ABCB1: variants seen among roughly 807,000 people sequenced by gnomAD.
The protein encoded by ABCB1 is ATP binding cassette subfamily B member 1, also known as ATP-dependent translocase ABCB1.
A neutral mutation model predicts 142.0 loss-of-function variants in ABCB1; 69 were observed. That is an observed-to-expected ratio of 0.49 (90% CI 0.40 to 0.59). The LOEUF is 0.59. Ranked by LOEUF, ABCB1 falls within the 20% of genes least tolerant of loss-of-function variation. ABCB1 has a pLI of 0.00. For missense variants in ABCB1, 1,326 were observed against 1,554.7 expected, an observed-to-expected ratio of 0.85 and a Z score of 2.47; for synonymous variants, 532 against 539.2, an observed-to-expected ratio of 0.99 and a Z score of 0.18.
chr7:87,662,906 T>G (rs1824860202), intron 1 of ABCB1, among the ~76,000 whole-genome samples: 1 of 152,166 alleles, frequency 6.6e-6, no homozygotes, highest in South Asian at 2.1e-4. Context: ...AGTTTTTTTG[T>G]GTCCTCTTAA....
At chr7:87,549,322 G>A in intron 14 of ABCB1, 26 bp downstream of exon 14, 1 of 1,614,006 alleles carries the variant, frequency 6.2e-7, no homozygotes, top group Non-Finnish European at 8.5e-7. Flanking sequence ...TATAAATCAG[G>A]TTGGTTTGAA....
intron 3 of ABCB1, among the ~76,000 whole-genome samples, chr7:87,594,117 C>T (rs1243351263): frequency 6.6e-6 from 1 of 152,078 alleles, no homozygotes; most frequent in Non-Finnish European, 1.5e-5. Flanking sequence ...TCAATGTTTT[C>T]TATGTTGACT....
chr7:87,591,428 C>A (rs891761237), intron 3 of ABCB1, among the ~76,000 whole-genome samples: 2 of 152,104 alleles, frequency 1.3e-5, no homozygotes, highest in Non-Finnish European at 2.9e-5. Context: ...CAGGGCAGAG[C>A]TGGAAGGAAT....
At chr7:87,671,427 T>C (rs773663154) in intron 1 of ABCB1, among the ~76,000 whole-genome samples, 1 of 152,284 alleles carries the variant, frequency 6.6e-6, no homozygotes, top group East Asian at 1.9e-4. Flanking sequence ...AAGACCTGTC[T>C]GGTGAGGAGA....
At chr7:87,520,956 T>C in intron 21 of ABCB1, 80 bp from the exon 22 acceptor site, 1 of 1,039,532 alleles carries the variant, frequency 9.6e-7, no homozygotes. Flanking sequence ...AACAGACTAA[T>C]GAAAATAATT....
chr7:87,611,278 T>C (rs996646244), intron 1 of ABCB1, among the ~76,000 whole-genome samples: 1 of 152,182 alleles, frequency 6.6e-6, no homozygotes, highest in African/African-American at 2.4e-5. Flanking sequence ...GGAGCTTTTC[T>C]AGGCTTTATA....
intron 1 of ABCB1, among the ~76,000 whole-genome samples, chr7:87,658,071 A>C (rs549774400): frequency 6.6e-6 from 1 of 152,224 alleles, no homozygotes; most frequent in African/African-American, 2.4e-5. Flanking sequence ...TAGTCAATAG[A>C]TGTCAACACT....
chr7:87,690,492 G>A (rs1036366147), intron 1 of ABCB1, among the ~76,000 whole-genome samples: 3 of 152,024 alleles, frequency 2.0e-5, no homozygotes, highest in Non-Finnish European at 4.4e-5. Flanking sequence ...CCACCTACCT[G>A]TAAATGGCAT....
At chr7:87,654,412 C>T (rs1466709384) in intron 1 of ABCB1, among the ~76,000 whole-genome samples, 1 of 151,962 alleles carries the variant, frequency 6.6e-6, no homozygotes, top group Non-Finnish European at 1.5e-5. Flanking sequence ...GAATAGAGAA[C>T]CCACAAATAA....
At chr7:87,639,549 C>T (rs918432592) in intron 1 of ABCB1, among the ~76,000 whole-genome samples, 15 of 152,192 alleles carry the variant, frequency 9.9e-5, no homozygotes, top group African/African-American at 3.6e-4. Flanking sequence ...GTGATTTTTA[C>T]TATAAATATT....
intron 1 of ABCB1, among the ~76,000 whole-genome samples, chr7:87,654,922 A>T (rs1823936937): frequency 6.6e-6 from 1 of 152,144 alleles, no homozygotes; most frequent in Non-Finnish European, 1.5e-5. Context: ...CAAATGGCCA[A>T]CAGGTATATA....
chr7:87,595,077 C>G (rs541014051), intron 3 of ABCB1, among the ~76,000 whole-genome samples: 6 of 151,984 alleles, frequency 3.9e-5, no homozygotes. Flanking sequence ...TGCAGTGAGC[C>G]AAGATCACAG....
At chr7:87,597,884 T>C (rs1456373478) in intron 2 of ABCB1, among the ~76,000 whole-genome samples, 1 of 152,166 alleles carries the variant, frequency 6.6e-6, no homozygotes, top group African/African-American at 2.4e-5. Context: ...TTTTAGATTG[T>C]TTTTGTTTTG....
chr7:87,527,674 G>C (rs966643278), intron 21 of ABCB1, among the ~76,000 whole-genome samples: 1 of 152,158 alleles, frequency 6.6e-6, no homozygotes, highest in Non-Finnish European at 1.5e-5. Context: ...AGAATCATGA[G>C]AGATCACTTT....
chr7:87,678,388 A>G (rs1424380559), intron 1 of ABCB1, among the ~76,000 whole-genome samples: 1 of 152,228 alleles, frequency 6.6e-6, no homozygotes, highest in Non-Finnish European at 1.5e-5. Flanking sequence ...ATTTAGTTGA[A>G]ATGCTAAAAT....
chr7:87,547,455 C>T (rs1238959144), intron 14 of ABCB1, among the ~76,000 whole-genome samples: 2 of 152,106 alleles, frequency 1.3e-5, no homozygotes, highest in African/African-American at 4.8e-5. Context: ...AACCAGTAAG[C>T]AGTGGCTCAC....
chr7:87,550,071 G>A lies in ABCB1; in HGVS notation c.1351-17C>T, dbSNP rs199810100. On this transcript the variant is annotated splice_polypyrimidine_tract_variant and intron_variant, in intron 12 of 27. Transcript: ENST00000622132. ...AACACTGACCTGGAATAAAAAGTAA[G>A]TGTGACTTTCATACATTTGTAATTG... is the stretch of plus-strand genomic sequence containing the variant. 101 of 1,613,960 alleles carry A rather than the reference G, an allele frequency of 6.3e-5. No individual in the cohort carries two copies. The highest frequency in any genetic ancestry group is 8.0e-5 in the Non-Finnish European group (94 of 1,180,014).
chr7:87,512,578 G>T (rs1347879003), intron 25 of ABCB1, among the ~76,000 whole-genome samples: 1 of 152,026 alleles, frequency 6.6e-6, no homozygotes, highest in East Asian at 1.9e-4. Flanking sequence ...GGGTCCTTAG[G>T]GTCCAATCCT....
chr7:87,519,872 A>G (rs28401780), intron 22 of ABCB1, among the ~76,000 whole-genome samples: 111 of 152,316 alleles, frequency 7.3e-4, no homozygotes, highest in African/African-American at 2.6e-3. Context: ...AGGGGCCATG[A>G]TGGGTTGACA....
Sources: allele counts gnomAD v4.1 joint callset (sites outside exome capture counted in the v4.1 genomes callset), GRCh38; gene constraint gnomAD v4.1.1; transcripts MANE v1.5; gene names NCBI Gene and HGNC (gene_info 2026-07-23, HGNC 2026-07-21).